TTN: variants seen among roughly 807,000 people sequenced by gnomAD.
TTN encodes the protein connectin.
TTN carries 1,525 observed loss-of-function variants against 3,223.0 expected under a neutral mutation model. That is an observed-to-expected ratio of 0.47 (90% CI 0.45 to 0.49). The LOEUF is 0.49. TTN is among the 20% of genes least tolerant of loss of function. TTN has a pLI of 0.00. For synonymous variants in TTN, 14,094 were observed against 15,161.0 expected (o/e 0.93, Z 5.17); for missense variants, 40,786 against 43,424.0 (o/e 0.94, Z 5.40).
Position 178,725,835 on chromosome 2 carries a change from A to G in TTN, c.20487T>C (p.Gly6829=). 6.2e-7 allele frequency: 1 copy of G among 1,613,110 alleles called. No homozygotes were observed. The highest frequency in any genetic ancestry group is 8.5e-7 in the Non-Finnish European group (1 of 1,179,410). ...CATTCTGTGCTTTGCAGTGGTATTC[A>G]CCGATGTCTGAAGTGTCCACATTGA... ...HILNVDTSDI[G]EYHCKAQNEV... The change falls in exon 70 of 363, where the codon GGT becomes GGC. Residue 6829 remains glycine (G), a synonymous_variant. Coordinates refer to ENST00000589042, the MANE Select transcript of TTN (RefSeq NM_001267550.2).
chr2:178,745,381 G>A, intron 47 of TTN: 1 of 1,413,878 alleles, frequency 7.1e-7, no homozygotes, highest in Non-Finnish European at 9.2e-7. Context: ...CACAAGTGAT[G>A]ATTCCACAGT....
chr2:178,722,787 G>T lies in TTN; in HGVS notation c.22112C>A (p.Thr7371Asn). ...TGTGGCCACATTGTTTGTAAAGTAG[G>T]TCCTGTATTCAGGAGTTGGCCGTAA... ...TKLRPTPEYR[T>N]YFTNNVATLV... Residue 7371 changes from threonine to asparagine, a missense_variant, in exon 76 of 363, where the codon ACC becomes AAC. Transcript: ENST00000589042. 6.2e-7 allele frequency: 1 copy of T among 1,613,290 alleles called. No individual in the cohort carries two copies. The highest frequency in any genetic ancestry group is 1.1e-5 in the South Asian group (1 of 91,046).
chr2:178,750,767 T>A (rs772920798), intron 47 of TTN: 1 of 1,613,110 alleles, frequency 6.2e-7, no homozygotes, highest in Non-Finnish European at 8.5e-7. Flanking sequence ...TTCGCTGGCA[T>A]GTGGTGTAAT....
Position 178,757,746 on chromosome 2 carries a change from G to T in TTN, c.10474C>A (p.Pro3492Thr), listed in dbSNP as rs1297125768. 6.2e-7 allele frequency: 1 copy of T among 1,613,802 alleles called. No homozygotes were observed. Among genetic ancestry groups the T allele is most frequent in the Non-Finnish European group, 8.5e-7 (1 of 1,179,788 alleles). Reference protein sequence around the residue: ...VRFHARVSGIPKPEIQWFHNQ... With the variant: ...VRFHARVSGITKPEIQWFHNQ... ...TGAAACCATTGGATTTCTGGCTTGG[G>T]AATGCCAGAAACCCTCGCATGAAAT... Residue 3492 changes from proline to threonine, a missense_variant, in exon 45 of 363, where the codon CCC becomes ACC. By Grantham distance (38) the Pro-to-Thr change is conservative. Transcript: ENST00000589042.
In TTN at chr2:178,575,144, G is replaced by A; in HGVS notation, c.70988C>T (p.Pro23663Leu). The A allele has an allele frequency of 6.2e-7, 1 of 1,612,688 alleles. No homozygotes were observed. The highest frequency in any genetic ancestry group is 8.5e-7 in the Non-Finnish European group (1 of 1,179,364). ...VEIPVLGRPK[P>L]TVTWKKGDQI... is the part of the protein sequence containing the mutation. ...GTCTCCTTTTTTCCATGTCACTGTG[G>A]GCTTCGGTCGACCGAGCACTGGAAT... is the stretch of plus-strand genomic sequence containing the variant. Residue 23663 changes from proline to leucine, a missense_variant, in exon 326 of 363, where the codon CCC (proline) becomes CTC (leucine). Pro to Leu is a moderately conservative substitution (Grantham distance 98). Transcript: ENST00000589042. This position sits in a 1 kb window ranked among gnomAD's most constrained non-coding sequence, Gnocchi z 4.0.
At position 178,618,366 on chromosome 2, in the gene TTN, C is replaced by G; in HGVS notation, c.47092G>C (p.Asp15698His). 6.2e-7 allele frequency: 1 copy of G among 1,612,522 alleles called. No individual in the cohort carries two copies. Among genetic ancestry groups the G allele is most frequent in the Non-Finnish European group, 8.5e-7 (1 of 1,179,100 alleles). The change falls in exon 252 of 363, where the codon GAC becomes CAC. Residue 15698 changes from aspartate (D) to histidine (H), a missense_variant. Asp to His is a moderately conservative substitution (Grantham distance 81). Coordinates refer to ENST00000589042, the MANE Select transcript of TTN (RefSeq NM_001267550.2). ...KIIGYVVERRDIKRKTWVLAT... is the reference protein window; with the variant it reads ...KIIGYVVERRHIKRKTWVLAT... ...AGAACCCAGGTCTTTCTCTTAATGT[C>G]ACGTCTTTCAACAACGTAACCTATG...
At position 178,756,238 on chromosome 2, in the gene TTN, T is replaced by C. The variant is rs747189619; in HGVS notation, c.11238A>G (p.Val3746=). Residue 3746 remains valine, a synonymous_variant, in exon 46 of 363, where the codon GTA becomes GTG. Coordinates refer to ENST00000589042, the MANE Select transcript of TTN (RefSeq NM_001267550.2). ...NDCGERTTSA[V]LSVEGAPESI... ...TCAATTAACCACCTTCTACACTTAG[T>C]ACTGCTGACGTTGTCCTCTCTCCAC... The C allele has an allele frequency of 6.2e-7, 1 of 1,610,852 alleles. No homozygotes were observed. The highest frequency in any genetic ancestry group is 8.5e-7 in the Non-Finnish European group (1 of 1,177,600).
rs794729505 is a variant in TTN, at chr2:178,568,190, G to C, written c.77942C>G (p.Pro25981Arg). 1 of 1,613,470 alleles carries C rather than the reference G, an allele frequency of 6.2e-7. No individual in the cohort carries two copies. Among genetic ancestry groups the C allele is most frequent in the South Asian group, 1.1e-5 (1 of 91,076 alleles). Residue 25981 changes from proline (P) to arginine (R), a missense_variant, in exon 326 of 363, where the codon CCA becomes CGA. Pro to Arg is a moderately radical substitution (Grantham distance 103, BLOSUM62 -2). Transcript: ENST00000589042. ...TTTGTAGGGATATTGAGCTACAATT[G>C]GATCAGACTCTAAGGCAAAGCTTTG... ...YGQSFALESD[P>R]IVAQYPYKEP... is the part of the protein sequence containing the mutation.
At position 178,534,003 on chromosome 2, in the gene TTN, A is replaced by G; in HGVS notation, c.102612T>C (p.Asp34204=). 1 of 1,613,958 alleles carries G rather than the reference A, an allele frequency of 6.2e-7. No individual in the cohort carries two copies. The highest frequency in any genetic ancestry group is 8.5e-7 in the Non-Finnish European group (1 of 1,179,866). ...TGACTACTTTGCATCTGTAGGTACC[A>G]TCATCTAATTTGGTAATGTCTTTGA... ...LYVKDITKLD[D]GTYRCKVVND... Residue 34204 remains aspartate, a synonymous_variant, in exon 358 of 363, where the codon GAT becomes GAC. Coordinates refer to ENST00000589042, the MANE Select transcript of TTN (RefSeq NM_001267550.2).
chr2:178,718,922 A>G lies in TTN; in HGVS notation c.24278T>C (p.Met8093Thr), dbSNP rs773993718. The change falls in exon 84 of 363, where the codon ATG becomes ACG. Residue 8093 changes from methionine (M) to threonine (T), a missense_variant. Physicochemically the swap from Met to Thr is moderately conservative, Grantham distance 81. Coordinates refer to ENST00000589042, the MANE Select transcript of TTN (RefSeq NM_001267550.2). ...GATGACACTGGTGAATGTGAGGCTCATTCCAGGCAAAACTTCCACAGAATC... is the reference window on the plus strand; with the variant it reads ...GATGACACTGGTGAATGTGAGGCTCGTTCCAGGCAAAACTTCCACAGAATC... ...TPDSVEVLPG[M>T]SLTFTSVIRG... 6.2e-7 allele frequency: 1 copy of G among 1,612,570 alleles called. No individual in the cohort carries two copies. The highest frequency in any genetic ancestry group is 1.7e-4 in the Middle Eastern group (1 of 6,052).
chr2:178,671,103 C>T lies in TTN; in HGVS notation c.35295G>A (p.Glu11765=), dbSNP rs1386775513. Residue 11765 remains glutamate (E), a synonymous_variant, in exon 156 of 363, where the codon GAG becomes GAA. Transcript: ENST00000589042. Reference sequence around the variant, plus strand: ...CAAAGAAGATACCTTTAGCTGGTGGCTCTTTTCGAGGAACAACTTTAGTGG... The same window carrying T: ...CAAAGAAGATACCTTTAGCTGGTGGTTCTTTTCGAGGAACAACTTTAGTGG... ...KPPTKVVPRK[E]PPAKVPEVPK... 1 of 1,605,298 alleles carries T rather than the reference C, an allele frequency of 6.2e-7. No individual in the cohort carries two copies.
At position 178,675,930 on chromosome 2, in the gene TTN, G is replaced by C; in HGVS notation, c.34444C>G (p.Pro11482Ala). Residue 11482 changes from proline (P) to alanine (A), a missense_variant, in exon 148 of 363, where the codon CCT (proline) becomes GCT (alanine). Coordinates refer to ENST00000589042, the MANE Select transcript of TTN (RefSeq NM_001267550.2). ...VVIPKKEEAP[P>A]AKVSVVPKKP... ...TTCGGAATAGCAATACCTTTGGCAGGGGGAGCCTCCTCTTTCTTGGGAATG... is the reference window on the plus strand; with the variant it reads ...TTCGGAATAGCAATACCTTTGGCAGCGGGAGCCTCCTCTTTCTTGGGAATG... 6.2e-7 allele frequency: 1 copy of C among 1,607,710 alleles called. No individual in the cohort carries two copies. Among genetic ancestry groups the C allele is most frequent in the Non-Finnish European group, 8.5e-7 (1 of 1,176,610 alleles).
intron 305 of TTN, 45 bp from the exon 306 acceptor site, chr2:178,587,845 G>C: frequency 6.4e-7 from 1 of 1,566,112 alleles, no homozygotes; most frequent in Admixed American, 1.8e-5. Flanking sequence ...CAGAATGTGG[G>C]GAAATCATAA....
In TTN at chr2:178,548,161, C is replaced by G. The variant is rs1351647298; in HGVS notation, c.93465G>C (p.Lys31155Asn). 1.2e-6 allele frequency: 2 copies of G among 1,613,792 alleles called. No homozygotes were observed. Among genetic ancestry groups the G allele is most frequent in the Non-Finnish European group, 1.7e-6 (2 of 1,179,800 alleles). The stretch of plus-strand genomic sequence containing the variant: ...CAGCTTCAACCCAGAAGTCAGATCC[C>G]TTTTGTCTCATTTCAAGCAGGTAGC... ...ITGYLLEMRQ[K>N]GSDFWVEAGH... Residue 31155 changes from lysine (K) to asparagine (N), a missense_variant, in exon 339 of 363, where the codon AAG becomes AAC. Coordinates refer to ENST00000589042, the MANE Select transcript of TTN (RefSeq NM_001267550.2). The surrounding 1 kb of genome is among the most constrained non-coding windows in gnomAD (Gnocchi z 4.3).
chr2:178,736,113 A>T (rs368906684), intron 49 of TTN, 39 bp from the exon 50 acceptor site: 16 of 1,501,630 alleles, frequency 1.1e-5, no homozygotes, highest in Non-Finnish European at 1.4e-5. Flanking sequence ...TTTAGTCCCC[A>T]CCAAAGCACT....
Position 178,580,592 on chromosome 2 carries a change from G to T in TTN, c.66787C>A (p.Leu22263Ile), listed in dbSNP as rs540425352. ...KDILIPPEGE[L>I]DADLRKTLIL... ...AGTGTCTTCCTTAAGTCCGCATCAA[G>T]TTCTCCCTCAGGTGGAACTGTTTAA... Residue 22263 changes from leucine (L) to isoleucine (I), a missense_variant, in exon 317 of 363, where the codon CTT becomes ATT. Coordinates refer to ENST00000589042, the MANE Select transcript of TTN (RefSeq NM_001267550.2). 6.2e-7 allele frequency: 1 copy of T among 1,610,492 alleles called. No individual in the cohort carries two copies. Among genetic ancestry groups the T allele is most frequent in the South Asian group, 1.1e-5 (1 of 90,048 alleles).
At chr2:178,736,206 T>C in intron 49 of TTN, 132 bp from the exon 50 acceptor site, 1 of 805,090 alleles carries the variant, frequency 1.2e-6, no homozygotes, top group Non-Finnish European at 1.9e-6. Flanking sequence ...AATGGAGTAA[T>C]GTGTTAATAA....
intron 47 of TTN, chr2:178,750,931 T>C: frequency 6.2e-7 from 1 of 1,613,020 alleles, no homozygotes; most frequent in Non-Finnish European, 8.5e-7. Flanking sequence ...TTTCACCATA[T>C]AAATGGTCTT....
At chr2:178,749,488 T>A (rs909663026) in intron 47 of TTN, 1 of 1,612,792 alleles carries the variant, frequency 6.2e-7, no homozygotes, top group African/African-American at 1.3e-5. Context: ...AGTCCCTTAC[T>A]GAATATTCTT....
Sources: allele counts gnomAD v4.1 joint callset, GRCh38; gene constraint gnomAD v4.1.1; non-coding constraint Gnocchi (gnomAD v3.1); transcripts MANE v1.5; gene names NCBI Gene and HGNC (gene_info 2026-07-23, HGNC 2026-07-21).